Variants in PCDHA8 observed in about 807,000 individuals in gnomAD.
PCDHA8 encodes protocadherin alpha 8.
In PCDHA8, 53 loss-of-function variants were observed where a neutral mutation model predicts 61.8. The ratio of observed to expected loss-of-function variants is 0.86; its 90% CI spans 0.69 to 1.08. The LOEUF (loss-of-function observed/expected upper bound fraction) is 1.08. PCDHA8 is among the 50% of genes least tolerant of loss of function. The probability of loss-of-function intolerance (pLI) is 0.00; values close to 1 mark genes in which losing one functional copy is unlikely to be tolerated. For missense variants in PCDHA8, 1,293 were observed against 1,245.0 expected, an observed-to-expected ratio of 1.04 and a Z score of -0.58; for synonymous variants, 618 against 556.6, an observed-to-expected ratio of 1.11 and a Z score of -1.55.
chr5:140,869,758 A>AAACC, intron 1 of PCDHA8: 1 of 1,613,288 alleles, frequency 6.2e-7, no homozygotes, highest in Non-Finnish European at 8.5e-7. Context: ...AGACGGGGGA[A>AAACC]AACCAGAGCT....
At chr5:140,938,125 A>G (rs1339364898) in intron 1 of PCDHA8, among the ~76,000 whole-genome samples, 1 of 152,120 alleles carries the variant, frequency 6.6e-6, no homozygotes, top group Admixed American at 6.5e-5. Context: ...TTTTTTAAAA[A>G]AATAGAGATA....
rs1554262551 is a variant in PCDHA8, at chr5:141,009,910, C to T, written c.2826C>T (p.Asn942=). 1 of 1,612,616 alleles carries T rather than the reference C, an allele frequency of 6.2e-7. No individual in the cohort carries two copies. Among genetic ancestry groups the T allele is most frequent in the Middle Eastern group, 1.7e-4 (1 of 6,048 alleles). Residue 942 remains asparagine (N), a synonymous_variant, in exon 4 of 4, where the codon AAC becomes AAT. Transcript: ENST00000531613. ...NKTQEKKEKG[N]STTDNSDQ Reference sequence around the variant, plus strand: ...CCCAGGAGAAAAAAGAGAAAGGGAACAGCACGACTGACAACAGTGACCAGT... The same window carrying T: ...CCCAGGAGAAAAAAGAGAAAGGGAATAGCACGACTGACAACAGTGACCAGT...
intron 1 of PCDHA8, chr5:140,863,693 C>T: frequency 3.3e-6 from 1 of 301,562 alleles, no homozygotes; most frequent in African/African-American, 2.2e-5. Flanking sequence ...TTTTGAGATG[C>T]TTTATTTAAA....
At chr5:140,966,313 C>T (rs1349194825) in intron 1 of PCDHA8, 18 of 386,704 alleles carry the variant, frequency 4.7e-5, no homozygotes, top group African/African-American at 2.5e-4. Flanking sequence ...CGTGTTCCTG[C>T]GGTCCGCTGG....
chr5:140,876,819 C>G (rs781959784), intron 1 of PCDHA8: 4 of 1,614,180 alleles, frequency 2.5e-6, no homozygotes, highest in Non-Finnish European at 3.4e-6. Context: ...CCGACGTGAA[C>G]GACAATGCGC....
At chr5:140,948,793 A>AT (rs1351130459) in intron 1 of PCDHA8, among the ~76,000 whole-genome samples, 1 of 150,328 alleles carries the variant, frequency 6.7e-6, no homozygotes, top group Non-Finnish European at 1.5e-5. Flanking sequence ...TTGTTGATAT[A>AT]TTTTCTATTG....
intron 1 of PCDHA8, among the ~76,000 whole-genome samples, chr5:140,921,929 A>G (rs2080500807): frequency 6.6e-6 from 1 of 152,244 alleles, no homozygotes; most frequent in East Asian, 1.9e-4. Flanking sequence ...CTTATAGTCA[A>G]TATAATTTTA....
chr5:140,852,333 A>G, intron 1 of PCDHA8: 1 of 262,614 alleles, frequency 3.8e-6, no homozygotes, highest in Non-Finnish European at 6.4e-6. Context: ...GCTGGAGTAC[A>G]GTGGCATGAT....
chr5:140,937,229 G>A (rs2091424119), intron 1 of PCDHA8, among the ~76,000 whole-genome samples: 1 of 151,784 alleles, frequency 6.6e-6, no homozygotes, highest in Non-Finnish European at 1.5e-5. Flanking sequence ...TGTAGAGACG[G>A]GGTTTCACCG....
intron 1 of PCDHA8, among the ~76,000 whole-genome samples, chr5:140,911,235 A>G (rs1426271043): frequency 1.3e-5 from 2 of 152,146 alleles, no homozygotes; most frequent in Non-Finnish European, 2.9e-5. Flanking sequence ...TTCTTCTGGC[A>G]AAAAAAGTTT....
At chr5:140,862,901 C>CA in intron 1 of PCDHA8, 2 of 551,296 alleles carry the variant, frequency 3.6e-6, no homozygotes, top group Non-Finnish European at 3.5e-6. Context: ...ACTTTGTCTG[C>CA]GCTGCTGGCG....
rs57893927 is a variant in PCDHA8 at position 140,946,631 on chromosome 5, T to TATATATATATATACACAC, written c.2395-32317_2395-32316insTATATATATATACACACA. ...TGTGAAATATATATATATATATATA[T>TATATATATATATACACAC]ACAATGGAATACTCATCAGCCATTA... On this transcript the variant is annotated intron_variant, in intron 1 of 3. Transcript: ENST00000531613. Among the ~76,000 whole-genome samples the TATATATATATATACACAC allele has an allele frequency of 9.9e-5, 13 of 131,856 alleles. 1 individual carries two copies. The East Asian group carries it at 2.7e-3, about 27-fold the overall frequency. 86.5% of individuals were successfully genotyped at this position (131,856 alleles called of 152,430 possible). A position where few individuals can be genotyped will look rare whatever the true frequency, so the allele number is the denominator to read the frequency against.
At chr5:140,985,739 C>CA (rs781951589) in intron 3 of PCDHA8, among the ~76,000 whole-genome samples, 2 of 117,920 alleles carry the variant, frequency 1.7e-5, no homozygotes, top group Non-Finnish European at 3.4e-5. Flanking sequence ...TGATGAATTC[C>CA]TTTTTTTTTT....
chr5:140,931,473 A>G (rs2087545332), intron 1 of PCDHA8, among the ~76,000 whole-genome samples: 1 of 152,066 alleles, frequency 6.6e-6, no homozygotes, highest in Admixed American at 6.6e-5. Flanking sequence ...TGACAGAGGA[A>G]AAAACAACCC....
Position 140,925,879 on chromosome 5 carries a change from C to A in PCDHA8, c.2395-53070C>A, listed in dbSNP as rs138501139. Reference sequence around the variant, plus strand: ...GTTATTGCTATTGACTGGTTTATAACCTCCTCTTTCACCCAGATCGTCAAG... The same window carrying A: ...GTTATTGCTATTGACTGGTTTATAAACTCCTCTTTCACCCAGATCGTCAAG... On this transcript the variant is annotated intron_variant, in intron 1 of 3. Coordinates refer to ENST00000531613, the MANE Select transcript of PCDHA8 (RefSeq NM_018911.3). Among the ~76,000 whole-genome samples, 60 of 152,212 alleles carry A rather than the reference C, an allele frequency of 3.9e-4. No individual in the cohort carries two copies. In the East Asian group the frequency reaches 7.4e-3, roughly 19 times the overall value.
intron 1 of PCDHA8, among the ~76,000 whole-genome samples, chr5:140,923,307 G>A (rs541732390): frequency 9.2e-5 from 14 of 152,288 alleles, no homozygotes; most frequent in African/African-American, 3.1e-4. Flanking sequence ...GCGTGGGGGC[G>A]CTTGGCCTAG....
intron 1 of PCDHA8, chr5:140,850,613 G>T: frequency 6.3e-7 from 1 of 1,598,580 alleles, no homozygotes; most frequent in South Asian, 1.1e-5. Flanking sequence ...CCATCTGCGC[G>T]GTGTCTAGCC....
intron 1 of PCDHA8, among the ~76,000 whole-genome samples, chr5:140,911,564 CTT>C (rs1188784239): frequency 6.6e-6 from 1 of 152,226 alleles, no homozygotes. Flanking sequence ...TCTTTCATCA[CTT>C]TGTCCAGTGA....
chr5:140,849,568 C>T (rs2040965455), intron 1 of PCDHA8: 1 of 1,598,504 alleles, frequency 6.3e-7, no homozygotes, highest in Non-Finnish European at 8.6e-7. Context: ...CTCTCGGTTC[C>T]TGTAAAAGAG....
Sources: gnomAD v4.1 joint callset for allele counts (sites outside exome capture counted in the v4.1 genomes callset) on GRCh38, gnomAD v4.1.1 for gene constraint, MANE v1.5 for transcripts, NCBI Gene and HGNC (gene_info 2026-07-23, HGNC 2026-07-21) for gene names.